CCDC178: variants seen among roughly 807,000 people sequenced by gnomAD.
The protein encoded by CCDC178 is coiled-coil domain containing 178, also known as coiled-coil domain-containing protein 178.
A neutral mutation model predicts 117.4 loss-of-function variants in CCDC178; 126 were observed. The observed-to-expected ratio is 1.07, with a 90% CI of 0.93 to 1.24. The LOEUF is 1.24. CCDC178 is among the 50% of genes most tolerant of loss of function. The pLI, the probability that CCDC178 is intolerant of heterozygous loss-of-function variation, is 0.00. For synonymous variants in CCDC178, 283 were observed against 313.4 expected, an observed-to-expected ratio of 0.90 and a Z score of 1.02; for missense variants, 1,030 against 986.9, an observed-to-expected ratio of 1.04 and a Z score of -0.59.
Position 33,370,059 on chromosome 18 carries a change from A to G in CCDC178, c.339T>C (p.His113=). 6.3e-7 allele frequency: 1 copy of G among 1,579,392 alleles called. No homozygotes were observed. The highest frequency in any genetic ancestry group is 8.6e-7 in the Non-Finnish European group (1 of 1,165,994). ...IQDVESKIQE[H]LKRFETSFEE... is the part of the protein sequence containing the mutation. ...TAAATTAGTCTCTTACCCTTTTCAA[A>G]TGCTCCTGTATTTTGGACTCCACAT... is the stretch of plus-strand genomic sequence containing the variant. The change falls in exon 6 of 23, where the codon CAT becomes CAC. Residue 113 remains histidine (H), a synonymous_variant. Transcript: ENST00000383096.
intron 20 of CCDC178, among the ~76,000 whole-genome samples, chr18:33,141,641 A>T (rs2058206474): frequency 6.6e-6 from 1 of 152,206 alleles, no homozygotes; most frequent in Non-Finnish European, 1.5e-5. Flanking sequence ...TATTTATCCA[A>T]AGAAACACAA....
intron 12 of CCDC178, among the ~76,000 whole-genome samples, chr18:33,287,708 G>A (rs867685234): frequency 5.3e-5 from 8 of 152,172 alleles, no homozygotes; most frequent in Non-Finnish European, 7.4e-5. Context: ...TACCTCAGGC[G>A]GCAGAGGTTG....
At chr18:33,404,190 G>A (rs2144872262) in intron 3 of CCDC178, among the ~76,000 whole-genome samples, 1 of 152,146 alleles carries the variant, frequency 6.6e-6, no homozygotes, top group South Asian at 2.1e-4. Flanking sequence ...ATGAGTCATG[G>A]ACCTTAGTTC....
chr18:33,440,204 C>A (rs893733069), intron 1 of CCDC178, 123 bp from the exon 2 acceptor site: 3 of 151,702 alleles, frequency 2.0e-5, no homozygotes, highest in African/African-American at 7.3e-5. Context: ...AGGAATAAGA[C>A]GCTAGAGACG....
chr18:33,047,895 A>G (rs1347884138), intron 21 of CCDC178, among the ~76,000 whole-genome samples: 2 of 152,208 alleles, frequency 1.3e-5, no homozygotes, highest in African/African-American at 4.8e-5. Context: ...AACATAAAAG[A>G]TCAACTTGGA....
chr18:33,303,368 AT>A (rs566867181), intron 11 of CCDC178, among the ~76,000 whole-genome samples: 2 of 152,042 alleles, frequency 1.3e-5, no homozygotes, highest in Admixed American at 6.6e-5. Flanking sequence ...AGCAAAAAGG[AT>A]TTTTTTTAAG....
intron 21 of CCDC178, among the ~76,000 whole-genome samples, chr18:33,007,727 C>G (rs1171260099): frequency 6.6e-6 from 1 of 152,128 alleles, no homozygotes; most frequent in African/African-American, 2.4e-5. Flanking sequence ...TATTCCTATT[C>G]ACACATTCAG....
At chr18:33,422,269 T>C (rs1317275910) in intron 2 of CCDC178, among the ~76,000 whole-genome samples, 1 of 152,216 alleles carries the variant, frequency 6.6e-6, no homozygotes, top group Non-Finnish European at 1.5e-5. Flanking sequence ...AATGCTTTTT[T>C]TCCCCAATAT....
intron 9 of CCDC178, among the ~76,000 whole-genome samples, chr18:33,345,719 C>T (rs1415095423): frequency 1.3e-5 from 2 of 152,100 alleles, no homozygotes; most frequent in East Asian, 1.9e-4. Flanking sequence ...TTCTAACAGA[C>T]CCAAAGGACA....
At chr18:33,091,701 T>C (rs964002667) in intron 21 of CCDC178, among the ~76,000 whole-genome samples, 1 of 152,152 alleles carries the variant, frequency 6.6e-6, no homozygotes, top group African/African-American at 2.4e-5. Flanking sequence ...TTAACTCTCA[T>C]GAGAGTAGAC....
intron 20 of CCDC178, among the ~76,000 whole-genome samples, chr18:33,198,059 CAAAT>C (rs1168408071): frequency 6.6e-6 from 1 of 152,054 alleles, no homozygotes; most frequent in Non-Finnish European, 1.5e-5. Context: ...TCTCTATAAG[CAAAT>C]AAATCAGACA....
At chr18:33,008,204 A>G (rs2144789731) in intron 21 of CCDC178, among the ~76,000 whole-genome samples, 1 of 152,246 alleles carries the variant, frequency 6.6e-6, no homozygotes. Flanking sequence ...CCCCAAGCCA[A>G]TACTCCTTCC....
intron 21 of CCDC178, among the ~76,000 whole-genome samples, chr18:33,011,758 A>G (rs1194211282): frequency 4.0e-5 from 5 of 124,772 alleles, no homozygotes; most frequent in African/African-American, 1.5e-4. Flanking sequence ...CAAATGATTG[A>G]GCAGAATGCA....
intron 3 of CCDC178, among the ~76,000 whole-genome samples, chr18:33,400,343 T>G (rs1344120653): frequency 1.3e-5 from 2 of 151,884 alleles, no homozygotes; most frequent in Non-Finnish European, 2.9e-5. Context: ...CCTTTCAAGC[T>G]TTGAAACCAG....
intron 9 of CCDC178, among the ~76,000 whole-genome samples, chr18:33,342,145 T>C (rs747672847): frequency 1.3e-5 from 2 of 152,194 alleles, no homozygotes; most frequent in East Asian, 1.9e-4. Flanking sequence ...CAATTGAAGA[T>C]GAGATTACTG....
chr18:32,967,377 G>A (rs2054836601), intron 22 of CCDC178, among the ~76,000 whole-genome samples: 2 of 151,176 alleles, frequency 1.3e-5, no homozygotes, highest in African/African-American at 2.4e-5. Flanking sequence ...TGTGCATTAC[G>A]TTCAGGATTG....
chr18:33,114,989 G>A (rs2057835009), intron 20 of CCDC178, among the ~76,000 whole-genome samples: 1 of 152,176 alleles, frequency 6.6e-6, no homozygotes, highest in Admixed American at 6.6e-5. Flanking sequence ...CTGGGGTTGA[G>A]CCAGGTAGAT....
chr18:33,180,449 G>A (rs1168015602), intron 20 of CCDC178, among the ~76,000 whole-genome samples: 1 of 151,560 alleles, frequency 6.6e-6, no homozygotes, highest in South Asian at 2.1e-4. Context: ...GATTTTAAAG[G>A]TATGCTAATT....
chr18:32,969,373 C>T (rs1359447052), intron 22 of CCDC178, among the ~76,000 whole-genome samples: 1 of 152,000 alleles, frequency 6.6e-6, no homozygotes, highest in Non-Finnish European at 1.5e-5. Context: ...TTCCCTAATG[C>T]ACCTGGCCTG....
Sources: allele counts gnomAD v4.1 joint callset (sites outside exome capture counted in the v4.1 genomes callset), GRCh38; gene constraint gnomAD v4.1.1; transcripts MANE v1.5; gene names NCBI Gene and HGNC (gene_info 2026-07-23, HGNC 2026-07-21).